GAK: variants seen among roughly 807,000 people sequenced by gnomAD.
GAK encodes the protein cyclin-G-associated kinase.
In GAK, 79 loss-of-function variants were observed where a neutral mutation model predicts 143.9. The observed-to-expected ratio is 0.55, with a 90% CI of 0.46 to 0.66. GAK has a LOEUF of 0.66. GAK is among the 30% of genes least tolerant of loss of function. The pLI, the probability that GAK is intolerant of heterozygous loss-of-function variation, is 0.00. For missense variants in GAK, 1,693 were observed against 1,779.7 expected (o/e 0.95, Z 0.88); for synonymous variants, 881 against 765.5 (o/e 1.15, Z -2.49).
intron 1 of GAK, among the ~76,000 whole-genome samples, chr4:918,980 C>G (rs112780732): frequency 2.4e-5 from 2 of 82,860 alleles, no homozygotes; most frequent in Non-Finnish European, 2.5e-5. Context: ...CCTCAGTGCC[C>G]CATGACCTTA....
At chr4:881,367 G>A (rs3775129) in intron 15 of GAK, among the ~76,000 whole-genome samples, 21,364 of 152,196 alleles carry the variant, frequency 0.14, 1,889 homozygotes, top group Middle Eastern at 0.3. Context: ...TGGACTCCTC[G>A]GGCGTGGACA....
chr4:882,132 G>A, intron 14 of GAK, 92 bp from the exon 15 acceptor site: 7 of 1,310,978 alleles, frequency 5.3e-6, no homozygotes, highest in Non-Finnish European at 7.3e-6. Flanking sequence ...CCCTGTGGCT[G>A]CAGGGACGCA....
chr4:862,295 C>A (rs1348129656), intron 23 of GAK, among the ~76,000 whole-genome samples: 1 of 152,166 alleles, frequency 6.6e-6, no homozygotes, highest in Admixed American at 6.5e-5. Context: ...TAAGATCCGG[C>A]TGAGACCACT....
chr4:928,205 G>A (rs1186551104), intron 1 of GAK, among the ~76,000 whole-genome samples: 3 of 152,192 alleles, frequency 2.0e-5, no homozygotes, highest in Non-Finnish European at 2.9e-5. Flanking sequence ...TTACAGGCAC[G>A]CGCCACCATG....
intron 1 of GAK, among the ~76,000 whole-genome samples, chr4:930,962 G>C (rs1050112656): frequency 1.3e-5 from 2 of 152,218 alleles, no homozygotes; most frequent in East Asian, 1.9e-4. Flanking sequence ...GAGCTGGTGA[G>C]GGTGAGGGCT....
chr4:866,526 A>G lies in GAK; in HGVS notation c.2881T>C (p.Phe961Leu). 1 of 1,613,494 alleles carries G rather than the reference A, an allele frequency of 6.2e-7. No homozygotes were observed. The highest frequency in any genetic ancestry group is 8.5e-7 in the Non-Finnish European group (1 of 1,179,842). Residue 961 changes from phenylalanine (F) to leucine (L), a missense_variant, in exon 22 of 28, where the codon TTT becomes CTT. Transcript: ENST00000314167. ...RGGPPAAADP[F>L]GPLLPSSGNN... ...CCTGAAGACGGCAGAAGCGGGCCAAAGGGGTCAGCTGTGGGGACAGGCGGG... is the reference window on the plus strand; with the variant it reads ...CCTGAAGACGGCAGAAGCGGGCCAAGGGGGTCAGCTGTGGGGACAGGCGGG...
chr4:875,942 A>C (rs1337708547), intron 18 of GAK, among the ~76,000 whole-genome samples: 2 of 152,132 alleles, frequency 1.3e-5, no homozygotes. Context: ...CTCTGTCTCA[A>C]AAAAAAAGAC....
intron 1 of GAK, among the ~76,000 whole-genome samples, chr4:930,345 G>A (rs1314193988): frequency 1.3e-5 from 2 of 151,984 alleles, no homozygotes; most frequent in Non-Finnish European, 2.9e-5. Context: ...AGATAGCAAA[G>A]GGAAACAAGT....
chr4:910,408 C>T (rs1721844358), intron 4 of GAK, among the ~76,000 whole-genome samples: 1 of 149,136 alleles, frequency 6.7e-6, no homozygotes, highest in South Asian at 2.1e-4. Flanking sequence ...AAGTGCAGTC[C>T]CCCCTCCACT....
At chr4:869,014 T>C (rs1711702660) in intron 19 of GAK, 2 of 311,804 alleles carry the variant, frequency 6.4e-6, no homozygotes, top group South Asian at 7.3e-5. Context: ...TACACACGAA[T>C]GCATAGAGCA....
At position 849,525 on chromosome 4, in the gene GAK, T is replaced by C. The variant is rs530766936; in HGVS notation, c.*148A>G. On this transcript the variant is annotated 3_prime_UTR_variant, in exon 28 of 28. Transcript: ENST00000314167. ...TTGGAATGCTTTCTCTTCATGTGCC[T>C]GGAACGCTGGGCGGGCGGTGACCCG... 32 of 620,686 alleles carry C rather than the reference T, an allele frequency of 5.2e-5. No individual in the cohort carries two copies. In the African/African-American group the frequency reaches 5.2e-4, roughly 10 times the overall value. 38.4% of individuals were successfully genotyped at this position (620,686 alleles called of 1,614,324 possible). A position where few individuals can be genotyped will look rare whatever the true frequency, so the allele number is the denominator to read the frequency against.
In GAK at chr4:866,466, A is replaced by G. The variant is rs754227380; in HGVS notation, c.2941T>C (p.Phe981Leu). ...GAGTCCGAATTGAGAAATTCGCCGA[A>G]GAGATCAGGATTGGAGCAGGGCTGG... ...NSQPCSNPDL[F>L]GEFLNSDSVT... The change falls in exon 22 of 28, where the codon TTC (phenylalanine) becomes CTC (leucine). Residue 981 changes from phenylalanine (F) to leucine (L), a missense_variant. By Grantham distance (22) the Phe-to-Leu change is conservative (BLOSUM62 0). Coordinates refer to ENST00000314167, the MANE Select transcript of GAK (RefSeq NM_005255.4). 1.2e-6 allele frequency: 2 copies of G among 1,614,034 alleles called. No individual in the cohort carries two copies. Among genetic ancestry groups the G allele is most frequent in the African/African-American group, 1.3e-5 (1 of 74,932 alleles).
chr4:857,327 CT>C (rs1239474857), intron 24 of GAK, among the ~76,000 whole-genome samples: 2 of 152,136 alleles, frequency 1.3e-5, no homozygotes, highest in East Asian at 3.8e-4. Flanking sequence ...ATAGTATGAG[CT>C]TCGTAAAATC....
rs201465712 is a variant in GAK at position 877,167 on chromosome 4, C to A, written c.1897G>T (p.Gly633Cys). 6 of 1,613,840 alleles carry A rather than the reference C, an allele frequency of 3.7e-6. No individual in the cohort carries two copies. In the African/African-American group the frequency reaches 8.0e-5, roughly 22 times the overall value. ...AGCACGTCTCCTTGCACCGTGACGC[C>A]CAGGGGAATCACCGCTTTGCCATCT... ...IEDGKAVIPL[G>C]VTVQGDVLIV... Residue 633 changes from glycine to cysteine, a missense_variant, in exon 17 of 28, where the codon GGC becomes TGC. Gly to Cys is a radical substitution (Grantham distance 159, BLOSUM62 -3). Coordinates refer to ENST00000314167, the MANE Select transcript of GAK (RefSeq NM_005255.4).
chr4:894,283 G>A (rs1268628824), intron 7 of GAK: 2 of 359,648 alleles, frequency 5.6e-6, no homozygotes, highest in East Asian at 1.2e-4. Context: ...GGGCCGTGGG[G>A]AGCGCAGGGG....
intron 5 of GAK, among the ~76,000 whole-genome samples, chr4:903,177 A>G (rs1334905738): frequency 3.3e-5 from 5 of 152,016 alleles, no homozygotes; most frequent in African/African-American, 1.2e-4. Flanking sequence ...ATGGAGCGCG[A>G]GCCCAGCCCC....
rs377596167 is a variant in GAK at position 851,124 on chromosome 4, T to C, written c.3509-40A>G. On this transcript the variant is annotated intron_variant, in intron 25 of 27. Coordinates refer to ENST00000314167, the MANE Select transcript of GAK (RefSeq NM_005255.4). ...AAACTTTTTTTTGTTTGAGACAGGG[T>C]CTCCACTCTGTCACCCAGGCCAGAG... The C allele has an allele frequency of 6.7e-5, 106 of 1,582,578 alleles. No individual in the cohort carries two copies. The Middle Eastern group carries it at 1.6e-3, about 24-fold the overall frequency.
intron 23 of GAK, among the ~76,000 whole-genome samples, chr4:861,235 G>C (rs191828754): frequency 2.6e-5 from 4 of 152,212 alleles, no homozygotes; most frequent in East Asian, 1.9e-4. Flanking sequence ...CACAAGAGTT[G>C]CAAGTGTCTC....
At chr4:924,609 T>A (rs1195129813) in intron 1 of GAK, among the ~76,000 whole-genome samples, 1 of 152,232 alleles carries the variant, frequency 6.6e-6, no homozygotes, top group Non-Finnish European at 1.5e-5. Context: ...ACGGTTTGGA[T>A]CTGCGTCCCC....
Sources: allele counts gnomAD v4.1 joint callset (sites outside exome capture counted in the v4.1 genomes callset), GRCh38; gene constraint gnomAD v4.1.1; transcripts MANE v1.5; gene names NCBI Gene and HGNC (gene_info 2026-07-23, HGNC 2026-07-21).